The following MAP4 variants were observed in gnomAD, a reference collection of about 807,000 sequenced individuals.
The protein encoded by MAP4 is microtubule associated protein 4.
In MAP4, 76 loss-of-function variants were observed where a neutral mutation model predicts 170.2. The ratio of observed to expected loss-of-function variants is 0.45; its 90% CI spans 0.37 to 0.54. The LOEUF (loss-of-function observed/expected upper bound fraction) is 0.54. MAP4 is among the 20% of genes least tolerant of loss of function. The pLI is 0.00. For missense variants in MAP4, 2,506 were observed against 2,748.0 expected, an observed-to-expected ratio of 0.91 and a Z score of 1.97; for synonymous variants, 909 against 994.5, an observed-to-expected ratio of 0.91 and a Z score of 1.62.
At chr3:47,892,633 C>G in intron 10 of MAP4, 1 of 1,412,170 alleles carries the variant, frequency 7.1e-7, no homozygotes, top group Non-Finnish European at 9.2e-7. Flanking sequence ...CCTCTCTCCT[C>G]AAGCAGTTGA....
At chr3:48,071,407 G>A (rs1402911562) in intron 1 of MAP4, among the ~76,000 whole-genome samples, 1 of 151,886 alleles carries the variant, frequency 6.6e-6, no homozygotes, top group Non-Finnish European at 1.5e-5. Context: ...AATCAGCCAG[G>A]TGTGGTGGCA....
At chr3:47,975,349 A>G in intron 3 of MAP4, 1 of 1,547,780 alleles carries the variant, frequency 6.5e-7, no homozygotes, top group Non-Finnish European at 8.7e-7. Flanking sequence ...CATCATGTCC[A>G]GGAATGAAAA....
At chr3:48,024,107 C>T (rs1016058242) in intron 1 of MAP4, among the ~76,000 whole-genome samples, 5 of 152,216 alleles carry the variant, frequency 3.3e-5, no homozygotes, top group Non-Finnish European at 5.9e-5. Context: ...GTCAAGAGAT[C>T]GAGACCATCC....
At position 47,937,749 on chromosome 3, in the gene MAP4, C is replaced by T. The variant is rs546265232; in HGVS notation, c.293-9399G>A. Among the ~76,000 whole-genome samples, 293 of 149,482 alleles carry T rather than the reference C, an allele frequency of 2.0e-3. 3 individuals carry two copies. The highest frequency in any genetic ancestry group is 6.6e-3 in the African/African-American group (267 of 40,736). On this transcript the variant is annotated intron_variant, in intron 3 of 20. Coordinates refer to ENST00000683076, the MANE Select transcript of MAP4 (RefSeq NM_001385682.1). Reference sequence around the variant, plus strand: ...CAATCTCAGCTCACTGCAACCTCTGCCTCCCGGGTTCAAGCGATTCTCCTG... The same window carrying T: ...CAATCTCAGCTCACTGCAACCTCTGTCTCCCGGGTTCAAGCGATTCTCCTG...
intron 3 of MAP4, among the ~76,000 whole-genome samples, chr3:47,962,463 T>C (rs1439322923): frequency 6.6e-6 from 1 of 152,182 alleles, no homozygotes; most frequent in Admixed American, 6.5e-5. Context: ...GAGGGGCGCA[T>C]ACTTTTCCAA....
intron 1 of MAP4, among the ~76,000 whole-genome samples, chr3:48,022,036 C>T (rs888127752): frequency 3.9e-5 from 6 of 152,176 alleles, no homozygotes; most frequent in East Asian, 1.9e-4. Context: ...GGTTTTGAAA[C>T]GGAACCACAT....
chr3:47,967,858 G>A (rs1274497571), intron 3 of MAP4, among the ~76,000 whole-genome samples: 2 of 151,972 alleles, frequency 1.3e-5, no homozygotes, highest in Non-Finnish European at 2.9e-5. Context: ...AGCTACTTGG[G>A]AAACTGAGGC....
intron 1 of MAP4, among the ~76,000 whole-genome samples, chr3:48,062,488 GATCAAT>G: frequency 2.6e-5 from 1 of 38,558 alleles, no homozygotes; most frequent in East Asian, 9.1e-4. Context: ...ACCCAAGAAT[GATCAAT>G]AAAAAAAAAA....
chr3:47,869,847 A>T (rs1460851198), intron 15 of MAP4, among the ~76,000 whole-genome samples: 1 of 152,028 alleles, frequency 6.6e-6, no homozygotes, highest in Non-Finnish European at 1.5e-5. Context: ...AAACCATAAG[A>T]GCAAAGACGG....
chr3:47,862,882 G>A (rs1042287894), intron 17 of MAP4, among the ~76,000 whole-genome samples: 1 of 152,076 alleles, frequency 6.6e-6, no homozygotes, highest in African/African-American at 2.4e-5. Context: ...GATAGTAAAT[G>A]AGGCAGGGTA....
At chr3:47,919,890 A>AT (rs2100041819) in intron 5 of MAP4, among the ~76,000 whole-genome samples, 1 of 151,066 alleles carries the variant, frequency 6.6e-6, no homozygotes, top group African/African-American at 2.5e-5. Context: ...TTAGAAGACA[A>AT]TTTTATTAAA....
At chr3:48,083,788 G>A (rs776844163) in intron 1 of MAP4, among the ~76,000 whole-genome samples, 5 of 150,970 alleles carry the variant, frequency 3.3e-5, no homozygotes, top group Non-Finnish European at 5.9e-5. Context: ...GTGCAGTGGC[G>A]TGATCTTGGC....
chr3:47,986,342 G>GTT (rs1559711264), intron 2 of MAP4, among the ~76,000 whole-genome samples: 2 of 151,558 alleles, frequency 1.3e-5, no homozygotes, highest in African/African-American at 4.8e-5. Context: ...TTTTTGGGGG[G>GTT]TTTTTTTGTA....
At chr3:47,926,328 C>T (rs923009120) in intron 4 of MAP4, among the ~76,000 whole-genome samples, 3 of 151,852 alleles carry the variant, frequency 2.0e-5, no homozygotes, top group Admixed American at 6.6e-5. Flanking sequence ...GCATTACAGG[C>T]GCCCGCCACC....
chr3:48,045,896 G>C (rs145814591), intron 1 of MAP4, among the ~76,000 whole-genome samples: 1 of 151,876 alleles, frequency 6.6e-6, no homozygotes, highest in Admixed American at 6.6e-5. Context: ...TCTGAGTCTG[G>C]AATAGCATCA....
intron 1 of MAP4, among the ~76,000 whole-genome samples, chr3:48,044,119 C>T (rs937899518): frequency 4.6e-5 from 7 of 151,328 alleles, no homozygotes; most frequent in African/African-American, 1.7e-4. Context: ...GCTGGGAGTA[C>T]AGGCGTGAGC....
intron 17 of MAP4, among the ~76,000 whole-genome samples, chr3:47,862,004 AC>A (rs2067107256): frequency 6.6e-6 from 1 of 151,312 alleles, no homozygotes; most frequent in Non-Finnish European, 1.5e-5. Context: ...TGCTAAAAAT[AC>A]AAAAAATTAG....
intron 2 of MAP4, among the ~76,000 whole-genome samples, chr3:47,991,254 C>G (rs1361111269): frequency 3.3e-5 from 5 of 152,210 alleles, no homozygotes; most frequent in Non-Finnish European, 5.9e-5. Flanking sequence ...GGAAATAAAA[C>G]ACCATTGTTC....
chr3:47,983,091 G>T (rs2100086367), intron 2 of MAP4, among the ~76,000 whole-genome samples: 1 of 152,106 alleles, frequency 6.6e-6, no homozygotes, highest in African/African-American at 2.4e-5. Context: ...CTTCATTAGA[G>T]ACAGGTTTTC....
Sources: allele counts gnomAD v4.1 joint callset (sites outside exome capture counted in the v4.1 genomes callset), GRCh38; gene constraint gnomAD v4.1.1; transcripts MANE v1.5; gene names NCBI Gene and HGNC (gene_info 2026-07-23, HGNC 2026-07-21).